Variants in AGL observed in about 807,000 individuals in gnomAD.
AGL encodes amylo-alpha-1,6-glucosidase and 4-alpha-glucanotransferase.
AGL carries 128 observed loss-of-function variants against 199.3 expected under a neutral mutation model. That is an observed-to-expected ratio of 0.64 (90% CI 0.56 to 0.74). The LOEUF is 0.74. AGL is among the 30% of genes least tolerant of loss of function. The pLI, the probability that AGL is intolerant of heterozygous loss-of-function variation, is 0.00. For missense variants in AGL, 1,809 were observed against 1,820.8 expected, an observed-to-expected ratio of 0.99 and a Z score of 0.12; for synonymous variants, 584 against 594.7, an observed-to-expected ratio of 0.98 and a Z score of 0.26.
chr1:99,894,078 C>T (rs1653118800), intron 24 of AGL, among the ~76,000 whole-genome samples: 1 of 151,682 alleles, frequency 6.6e-6, no homozygotes, highest in African/African-American at 2.4e-5. Flanking sequence ...GTCCTAGCTA[C>T]TCAGGAGGCT....
chr1:99,892,369 G>A (rs1180600180), intron 23 of AGL, 63 bp from the exon 24 acceptor site: 1 of 1,460,436 alleles, frequency 6.8e-7, no homozygotes, highest in African/African-American at 1.4e-5. Flanking sequence ...AAGAAACCAA[G>A]TAAAATAAAA....
Position 99,884,465 on chromosome 1 carries a change from G to C in AGL, c.2546+14G>C, listed in dbSNP as rs1417246903. ...TATTATATTCAGGTATGTTAATTGA[G>C]CTCAAACTGTTGACTTTACTTATAT... On this transcript the variant is annotated intron_variant, in intron 19 of 33. Transcript: ENST00000361915. The C allele has an allele frequency of 1.9e-6, 3 of 1,602,066 alleles. No homozygotes were observed. The highest frequency in any genetic ancestry group is 1.1e-5 in the South Asian group (1 of 90,762).
Position 99,880,806 on chromosome 1 carries a change from A to C in AGL, c.1899+11A>C, listed in dbSNP as rs1178292695. 6.2e-7 allele frequency: 1 copy of C among 1,613,686 alleles called. No individual in the cohort carries two copies. The highest frequency in any genetic ancestry group is 8.5e-7 in the Non-Finnish European group (1 of 1,179,666). On this transcript the variant is annotated intron_variant, in intron 14 of 33. Coordinates refer to ENST00000361915, the MANE Select transcript of AGL (RefSeq NM_000642.3). Reference sequence around the variant, plus strand: ...GAGTGTCCTATTGTGGTAAGCACCTAATCTTTTTCATGTACTTATTTTGCT... The same window carrying C: ...GAGTGTCCTATTGTGGTAAGCACCTCATCTTTTTCATGTACTTATTTTGCT...
chr1:99,922,558 G>T lies in AGL; in HGVS notation c.*907G>T. 1 of 151,682 alleles carries T rather than the reference G, an allele frequency of 6.6e-6. No homozygotes were observed. Among genetic ancestry groups the T allele is most frequent in the East Asian group, 1.9e-4 (1 of 5,186 alleles). 9.4% of individuals were successfully genotyped at this position (151,682 alleles called of 1,614,324 possible). A position where few individuals can be genotyped will look rare whatever the true frequency, so the allele number is the denominator to read the frequency against. The stretch of plus-strand genomic sequence containing the variant: ...TTGAGAAGAATCTTAACAAAAATAT[G>T]GATATGAATTCAGTAGATATCTTAA... On this transcript the variant is annotated 3_prime_UTR_variant, in exon 34 of 34. Transcript: ENST00000361915.
At chr1:99,864,246 A>C in intron 4 of AGL, 140 bp from the exon 5 acceptor site, 1 of 760,954 alleles carries the variant, frequency 1.3e-6, no homozygotes, top group Non-Finnish European at 2.2e-6. Context: ...TTTGAACCCA[A>C]GTGTTTGACC....
chr1:99,859,665 C>T (rs1649875357), intron 2 of AGL, among the ~76,000 whole-genome samples: 1 of 152,082 alleles, frequency 6.6e-6, no homozygotes, highest in African/African-American at 2.4e-5. Flanking sequence ...CTGCCCCAGC[C>T]TCCTGAGTAG....
At chr1:99,910,277 C>CTCTATG (rs1654641231) in intron 27 of AGL, among the ~76,000 whole-genome samples, 1 of 152,150 alleles carries the variant, frequency 6.6e-6, no homozygotes, top group Non-Finnish European at 1.5e-5. Context: ...TTATTCCACA[C>CTCTATG]TCTATGTCCA....
chr1:99,876,374 G>T, intron 10 of AGL, 84 bp from the exon 11 acceptor site: 1 of 1,053,110 alleles, frequency 9.5e-7, no homozygotes. Context: ...CATTAGAAAA[G>T]AAGTTTAGTT....
chr1:99,861,689 C>A lies in AGL; in HGVS notation c.269C>A (p.Ser90Ter). The A allele has an allele frequency of 6.2e-7, 1 of 1,613,552 alleles. No homozygotes were observed. The highest frequency in any genetic ancestry group is 1.1e-5 in the South Asian group (1 of 91,028). Residue 90 changes from serine to a stop codon, truncating the protein, a stop_gained, in exon 3 of 34, where the codon TCA (serine) becomes TAA (stop). Coordinates refer to ENST00000361915, the MANE Select transcript of AGL (RefSeq NM_000642.3). LOFTEE classifies it high-confidence loss of function. ...YCKLNLQQSGSFQYYFLQGNE... is the reference protein window; with the variant it reads ...YCKLNLQQSG ...AAACTTAATCTGCAACAATCTGGTT[C>A]ATTTCAGTATTATTTCCTTCAAGGG...
chr1:99,923,639 CATT>C lies in AGL; in HGVS notation c.*1992_*1994del, dbSNP rs1288007082. 4 of 152,112 alleles carry C rather than the reference CATT, an allele frequency of 2.6e-5. No individual in the cohort carries two copies. Among genetic ancestry groups the C allele is most frequent in the Admixed American group, 6.5e-5 (1 of 15,276 alleles). The allele number at this position is 152,112 out of a possible 1,614,324, so 9.4% of individuals were successfully genotyped here. A position where few individuals can be genotyped will look rare whatever the true frequency, so the allele number is the denominator to read the frequency against. ...TTAAAGTTTAAGAAGGCATGTTAAA[CATT>C]ATTTCCTCTATGGTAGTTAAAATAC... is the stretch of plus-strand genomic sequence containing the variant. On this transcript the variant is annotated 3_prime_UTR_variant, in exon 34 of 34. Coordinates refer to ENST00000361915, the MANE Select transcript of AGL (RefSeq NM_000642.3).
chr1:99,869,692 T>TA (rs1400342042), intron 5 of AGL, among the ~76,000 whole-genome samples: 14 of 152,358 alleles, frequency 9.2e-5, no homozygotes, highest in African/African-American at 3.1e-4. Context: ...CAGTAATTGT[T>TA]ACTACTTTTT....
At position 99,913,512 on chromosome 1, in the gene AGL, T is replaced by TA. The variant is rs1480600799; in HGVS notation, c.3950-14dup. ...TTGAATGATTAAAACTACCATGTCT[T>TA]ATGTCATTTTTCAGGAAAGGCTATA... On this transcript the variant is annotated splice_polypyrimidine_tract_variant and intron_variant, in intron 29 of 33. Transcript: ENST00000361915. The TA allele has an allele frequency of 6.3e-7, 1 of 1,586,248 alleles. No homozygotes were observed. The highest frequency in any genetic ancestry group is 1.1e-5 in the South Asian group (1 of 90,434).
At chr1:99,894,558 T>C (rs1653158095) in intron 24 of AGL, among the ~76,000 whole-genome samples, 1 of 152,128 alleles carries the variant, frequency 6.6e-6, no homozygotes, top group Admixed American at 6.6e-5. Context: ...TAATCATAAA[T>C]AAATAATACA....
intron 27 of AGL, among the ~76,000 whole-genome samples, chr1:99,907,120 C>T (rs1174398624): frequency 6.6e-6 from 1 of 152,054 alleles, no homozygotes; most frequent in East Asian, 1.9e-4. Context: ...GAAGTGTTAA[C>T]CATCTTTTTA....
chr1:99,879,292 A>T (rs1651814845), intron 12 of AGL, among the ~76,000 whole-genome samples: 1 of 152,182 alleles, frequency 6.6e-6, no homozygotes, highest in Non-Finnish European at 1.5e-5. Flanking sequence ...AAGTTTTAAA[A>T]ATAAGCAAGC....
Position 99,874,824 on chromosome 1 carries a change from T to C in AGL, c.1082+14T>C. 1 of 1,612,870 alleles carries C rather than the reference T, an allele frequency of 6.2e-7. No individual in the cohort carries two copies. Among genetic ancestry groups the C allele is most frequent in the Non-Finnish European group, 8.5e-7 (1 of 1,179,032 alleles). On this transcript the variant is annotated intron_variant, in intron 8 of 33. Transcript: ENST00000361915. ...CATACCACATGAGTATGTAATGTGT[T>C]TTTTTCTGTGAAATAATAATATTAC...
chr1:99,849,807 G>GC (rs1216611804), upstream of AGL, among the ~76,000 whole-genome samples: 2 of 152,228 alleles, frequency 1.3e-5, no homozygotes, highest in African/African-American at 4.8e-5. Context: ...CAGGTCGTTT[G>GC]CCCCTCACCA....
In AGL at chr1:99,887,831, A is replaced by G. The variant is rs183423330; in HGVS notation, c.2682-147A>G. ...GTCCTTTAATAATTACTTAAAATGT[A>G]TGAGTATAATGTTTATTTGAATGCT... On this transcript the variant is annotated intron_variant, in intron 20 of 33. Transcript: ENST00000361915. 40 of 813,920 alleles carry G rather than the reference A, an allele frequency of 4.9e-5. No individual in the cohort carries two copies. The African/African-American group carries it at 5.9e-4, about 12-fold the overall frequency. The allele number at this position is 813,920 out of a possible 1,614,324, so 50.4% of individuals were successfully genotyped here. A position where few individuals can be genotyped will look rare whatever the true frequency, so the allele number is the denominator to read the frequency against.
chr1:99,871,829 A>G (rs1010657601), intron 7 of AGL, among the ~76,000 whole-genome samples: 1 of 152,154 alleles, frequency 6.6e-6, no homozygotes, highest in East Asian at 1.9e-4. Flanking sequence ...AAAAAGCCCA[A>G]TAGTTTAAAT....
Sources: gnomAD v4.1 joint callset for allele counts (sites outside exome capture counted in the v4.1 genomes callset) on GRCh38, gnomAD v4.1.1 for gene constraint, MANE v1.5 for transcripts, NCBI Gene and HGNC (gene_info 2026-07-23, HGNC 2026-07-21) for gene names.